The following RNF180 variants were observed in gnomAD, a reference collection of about 807,000 sequenced individuals.
RNF180 encodes E3 ubiquitin-protein ligase RNF180.
A neutral mutation model predicts 59.2 loss-of-function variants in RNF180; 38 were observed. The ratio of observed to expected loss-of-function variants is 0.64; its 90% CI spans 0.50 to 0.84. RNF180 has a LOEUF of 0.84. RNF180 is among the 40% of genes least tolerant of loss of function. The pLI is 0.00. For synonymous variants in RNF180, 262 were observed against 240.3 expected, an observed-to-expected ratio of 1.09 and a Z score of -0.84; for missense variants, 705 against 700.9, an observed-to-expected ratio of 1.01 and a Z score of -0.07.
intron 7 of RNF180, among the ~76,000 whole-genome samples, chr5:64,368,905 G>T (rs1358399919): frequency 2.6e-5 from 4 of 151,908 alleles, no homozygotes; most frequent in Non-Finnish European, 2.9e-5. Flanking sequence ...AGTGTGGCGA[G>T]TCCTCAGGGA....
intron 5 of RNF180, among the ~76,000 whole-genome samples, chr5:64,318,221 T>G (rs909237229): frequency 6.6e-6 from 1 of 152,176 alleles, no homozygotes; most frequent in Non-Finnish European, 1.5e-5. Flanking sequence ...ATAGAACAAT[T>G]AACTATATTC....
intron 5 of RNF180, among the ~76,000 whole-genome samples, chr5:64,296,174 T>C (rs889519177): frequency 6.6e-6 from 1 of 152,144 alleles, no homozygotes; most frequent in African/African-American, 2.4e-5. Context: ...TGGAGGGCAC[T>C]TAGGTCCACG....
chr5:64,348,411 G>T (rs974697336), intron 7 of RNF180, among the ~76,000 whole-genome samples: 1 of 152,006 alleles, frequency 6.6e-6, no homozygotes, highest in Non-Finnish European at 1.5e-5. Context: ...GCATTCCTTA[G>T]AGTCCTAAGA....
intron 5 of RNF180, among the ~76,000 whole-genome samples, chr5:64,320,494 A>G (rs1333542808): frequency 6.6e-6 from 1 of 152,180 alleles, no homozygotes; most frequent in Non-Finnish European, 1.5e-5. Flanking sequence ...CAAAAGGTAC[A>G]TGTTTATTGA....
chr5:64,315,827 TC>T (rs535809100), intron 5 of RNF180, among the ~76,000 whole-genome samples: 26 of 152,136 alleles, frequency 1.7e-4, no homozygotes, highest in African/African-American at 5.5e-4. Context: ...CCCATTTCTG[TC>T]ACATGCATTA....
At chr5:64,169,396 G>A (rs967947761) in intron 1 of RNF180, among the ~76,000 whole-genome samples, 2 of 152,188 alleles carry the variant, frequency 1.3e-5, no homozygotes, top group Non-Finnish European at 2.9e-5. Flanking sequence ...ATTATCATAG[G>A]TTTCTTTGAG....
chr5:64,166,795 C>A lies in RNF180; in HGVS notation c.-1+842C>A, dbSNP rs544276748. On this transcript the variant is annotated intron_variant, in intron 1 of 7. Coordinates refer to ENST00000389100, the MANE Select transcript of RNF180 (RefSeq NM_001113561.2). ...ATTATATCAAAACTAAGCAGTCAAT[C>A]CTTGTGGAATCTGTGATTAGAACTT... 9.9e-5 allele frequency among the ~76,000 whole-genome samples: 15 copies of A among 152,128 alleles called. 1 individual carries two copies. In the South Asian group the frequency reaches 1.0e-3, roughly 10 times the overall value.
In RNF180 at chr5:64,325,283, C is replaced by T; in HGVS notation, c.1325C>T (p.Pro442Leu). Residue 442 changes from proline (P) to leucine (L), a missense_variant, in exon 6 of 8, where the codon CCT becomes CTT. Coordinates refer to ENST00000389100, the MANE Select transcript of RNF180 (RefSeq NM_001113561.2). ...GTGTGTCTGGACGTTTATTTCAACC[C>T]TTATATGTGTTACCCTTGCCATCAC... ...CAVCLDVYFN[P>L]YMCYPCHHIF... The T allele has an allele frequency of 6.4e-7, 1 of 1,551,374 alleles. No individual in the cohort carries two copies. The highest frequency in any genetic ancestry group is 8.7e-7 in the Non-Finnish European group (1 of 1,146,708).
intron 5 of RNF180, among the ~76,000 whole-genome samples, chr5:64,219,537 A>G (rs1752802630): frequency 6.6e-6 from 1 of 151,820 alleles, no homozygotes; most frequent in Admixed American, 6.6e-5. Context: ...TTCAATTGAC[A>G]TGGAGTCTTG....
chr5:64,190,463 G>C (rs2111997954), intron 1 of RNF180, among the ~76,000 whole-genome samples: 1 of 152,242 alleles, frequency 6.6e-6, no homozygotes, highest in Non-Finnish European at 1.5e-5. Flanking sequence ...ATGCGACTTT[G>C]GATTTGGAGT....
chr5:64,331,203 G>A (rs1007973791), intron 7 of RNF180, among the ~76,000 whole-genome samples: 30 of 152,172 alleles, frequency 2.0e-4, no homozygotes, highest in Non-Finnish European at 3.1e-4. Flanking sequence ...TGCATACACC[G>A]CTTGGCAAGA....
chr5:64,226,979 A>G (rs1315536912), intron 5 of RNF180, among the ~76,000 whole-genome samples: 5 of 152,152 alleles, frequency 3.3e-5, no homozygotes, highest in African/African-American at 1.2e-4. Context: ...AGATGGAGAA[A>G]CCCGGCTGAC....
chr5:64,241,003 T>G (rs1036515339), intron 5 of RNF180, among the ~76,000 whole-genome samples: 1 of 152,252 alleles, frequency 6.6e-6, no homozygotes, highest in African/African-American at 2.4e-5. Context: ...TATTTACTAC[T>G]GTACAAATAA....
chr5:64,195,096 G>A (rs1164557458), intron 1 of RNF180, among the ~76,000 whole-genome samples: 1 of 152,062 alleles, frequency 6.6e-6, no homozygotes, highest in Non-Finnish European at 1.5e-5. Flanking sequence ...ATTTAACATT[G>A]TATCCCAGGA....
chr5:64,200,341 G>T (rs1412483292), intron 1 of RNF180, among the ~76,000 whole-genome samples: 1 of 152,176 alleles, frequency 6.6e-6, no homozygotes, highest in Non-Finnish European at 1.5e-5. Context: ...TATAGTCCCT[G>T]GTACTCAGGA....
At chr5:64,368,869 A>C (rs1196276597) in intron 7 of RNF180, among the ~76,000 whole-genome samples, 1 of 152,052 alleles carries the variant, frequency 6.6e-6, no homozygotes, top group Non-Finnish European at 1.5e-5. Flanking sequence ...GTGGGACTGT[A>C]AACTAGTTCA....
At chr5:64,311,618 T>G (rs1288817467) in intron 5 of RNF180, among the ~76,000 whole-genome samples, 1 of 152,070 alleles carries the variant, frequency 6.6e-6, no homozygotes, top group Non-Finnish European at 1.5e-5. Flanking sequence ...TTTCATAAAC[T>G]GTTCCTTTTG....
At chr5:64,181,947 A>G (rs1039278261) in intron 1 of RNF180, among the ~76,000 whole-genome samples, 14 of 147,032 alleles carry the variant, frequency 9.5e-5, no homozygotes, top group African/African-American at 3.3e-4. Flanking sequence ...GGGGTTCCTT[A>G]TAAGATTTTG....
rs114182458 is a variant in RNF180, at chr5:64,171,195, G to T, written c.-1+5242G>T. The stretch of plus-strand genomic sequence containing the variant: ...GAAAAGTTGGAAATTCTGAGGTTAA[G>T]TATCCCATTCATTTTATCGACCTTA... On this transcript the variant is annotated intron_variant, in intron 1 of 7. Transcript: ENST00000389100. Among the ~76,000 whole-genome samples, 707 of 152,286 alleles carry T rather than the reference G, an allele frequency of 4.6e-3. 4 individuals carry two copies. Among genetic ancestry groups the T allele is most frequent in the African/African-American group, 0.016 (683 of 41,564 alleles).
Sources: allele counts gnomAD v4.1 joint callset (sites outside exome capture counted in the v4.1 genomes callset), GRCh38; gene constraint gnomAD v4.1.1; transcripts MANE v1.5; gene names NCBI Gene and HGNC (gene_info 2026-07-23, HGNC 2026-07-21).